Variants in MACROD2 observed in about 807,000 individuals in gnomAD.
The protein encoded by MACROD2 is ADP-ribose glycohydrolase MACROD2.
Under a neutral mutation model 70.4 loss-of-function variants are expected in MACROD2, and 36 were observed. The ratio of observed to expected loss-of-function variants is 0.51; its 90% confidence interval spans 0.39 to 0.68. The LOEUF is 0.68. Ranked by LOEUF, MACROD2 falls within the 30% of genes least tolerant of loss-of-function variation. The pLI is 0.00. For synonymous variants in MACROD2, 172 were observed against 178.8 expected (o/e 0.96, Z 0.30); for missense variants, 496 against 538.4 (o/e 0.92, Z 0.78).
At chr20:16,039,686 G>A (rs551348544) in intron 15 of MACROD2, among the ~76,000 whole-genome samples, 1 of 152,066 alleles carries the variant, frequency 6.6e-6, no homozygotes, top group South Asian at 2.1e-4. Flanking sequence ...TGTTCAAGGA[G>A]TATGTTGATG....
chr20:15,708,251 A>T (rs946870702), intron 8 of MACROD2, among the ~76,000 whole-genome samples: 3 of 152,174 alleles, frequency 2.0e-5, no homozygotes, highest in Non-Finnish European at 1.5e-5. Flanking sequence ...TGGGAGACAC[A>T]GACAATAAAT....
intron 5 of MACROD2, among the ~76,000 whole-genome samples, chr20:15,134,975 A>G (rs1249853463): frequency 1.3e-5 from 2 of 152,224 alleles, no homozygotes; most frequent in Non-Finnish European, 2.9e-5. Flanking sequence ...AGAAATGGAT[A>G]AATTCCTCGA....
At chr20:15,369,820 C>G (rs1301257808) in intron 6 of MACROD2, among the ~76,000 whole-genome samples, 1 of 152,006 alleles carries the variant, frequency 6.6e-6, no homozygotes, top group East Asian at 1.9e-4. Flanking sequence ...ACAAACAAAT[C>G]ATAAATGAGT....
rs373227803 is a variant in MACROD2 at position 14,396,924 on chromosome 20, C to CAAAAAA, written c.272-96544_272-96539dup. On this transcript the variant is annotated intron_variant, in intron 3 of 17. Transcript: ENST00000684519. ...TGGACGACAGAGCGAGACTCCATCT[C>CAAAAAA]AAAAAAAAAAAAAAAATCCAATCTG... Among the ~76,000 whole-genome samples the CAAAAAA allele has an allele frequency of 6.1e-4, 50 of 82,556 alleles. 3 individuals are homozygous for CAAAAAA. Among genetic ancestry groups the CAAAAAA allele is most frequent in the South Asian group, 1.1e-3 (2 of 1,806 alleles). 54.2% of individuals were successfully genotyped at this position (82,556 alleles called of 152,430 possible). A position where few individuals can be genotyped will look rare whatever the true frequency, so the allele number is the denominator to read the frequency against.
At chr20:15,029,324 T>C (rs2075256976) in intron 5 of MACROD2, among the ~76,000 whole-genome samples, 1 of 152,188 alleles carries the variant, frequency 6.6e-6, no homozygotes, top group South Asian at 2.1e-4. Context: ...CTGCAGTGTC[T>C]CAAAAAGTAG....
intron 8 of MACROD2, among the ~76,000 whole-genome samples, chr20:15,701,906 A>G (rs2050465788): frequency 6.6e-6 from 1 of 152,208 alleles, no homozygotes; most frequent in Admixed American, 6.5e-5. Flanking sequence ...ATAACTGAGA[A>G]CATGTGGTAT....
At chr20:16,025,385 T>C (rs1239096977) in intron 15 of MACROD2, among the ~76,000 whole-genome samples, 1 of 152,188 alleles carries the variant, frequency 6.6e-6, no homozygotes, top group Non-Finnish European at 1.5e-5. Context: ...GTTGTCAACA[T>C]TCTGAAAAAA....
chr20:15,482,340 A>G (rs768081987), intron 7 of MACROD2, among the ~76,000 whole-genome samples: 13 of 152,214 alleles, frequency 8.5e-5, no homozygotes, highest in Non-Finnish European at 1.6e-4. Context: ...AAAATGCCCG[A>G]CATCATATGT....
At chr20:15,338,881 T>G (rs2078077440) in intron 6 of MACROD2, among the ~76,000 whole-genome samples, 2 of 151,622 alleles carry the variant, frequency 1.3e-5, no homozygotes, top group Admixed American at 6.6e-5. Flanking sequence ...CAATGTTAAC[T>G]TTTCAGTTTA....
At chr20:15,960,286 C>T (rs1194441297) in intron 12 of MACROD2, among the ~76,000 whole-genome samples, 3 of 152,140 alleles carry the variant, frequency 2.0e-5, no homozygotes, top group South Asian at 2.1e-4. Flanking sequence ...GTGCAAAACA[C>T]GGTAACCCTT....
At chr20:14,578,191 G>T (rs1000340318) in intron 4 of MACROD2, among the ~76,000 whole-genome samples, 1 of 151,046 alleles carries the variant, frequency 6.6e-6, no homozygotes, top group African/African-American at 2.4e-5. Flanking sequence ...TATATCAATG[G>T]CAGGTTTTCT....
chr20:14,978,724 A>G (rs1290413333), intron 5 of MACROD2, among the ~76,000 whole-genome samples: 1 of 149,656 alleles, frequency 6.7e-6, no homozygotes, highest in Non-Finnish European at 1.5e-5. Flanking sequence ...ACAGTTTAAC[A>G]ATCTGGTTAA....
intron 3 of MACROD2, among the ~76,000 whole-genome samples, chr20:14,109,451 TC>T (rs1170008476): frequency 1.3e-5 from 2 of 151,406 alleles, no homozygotes; most frequent in South Asian, 2.1e-4. Context: ...ATACAAAAGA[TC>T]AATCAAATAA....
At chr20:14,982,075 G>A (rs2423898) in intron 5 of MACROD2, among the ~76,000 whole-genome samples, 3,376 of 152,240 alleles carry the variant, frequency 0.022, 69 homozygotes, top group Admixed American at 0.047. Context: ...GGAGGAACTT[G>A]TTGGGAACTG....
At chr20:14,968,385 A>T (rs2074657981) in intron 5 of MACROD2, among the ~76,000 whole-genome samples, 1 of 152,096 alleles carries the variant, frequency 6.6e-6, no homozygotes, top group South Asian at 2.1e-4. Context: ...CATGTGTTAG[A>T]CCAACATCCT....
Position 14,862,642 on chromosome 20 carries a change from AAT to A in MACROD2, c.418+177695_418+177696del, listed in dbSNP as rs544124119. ...ATATATATATATAAATATATATATAAATATATATATATAAATATATATATAAA... is the reference window on the plus strand; with the variant it reads ...ATATATATATATAAATATATATATAAATATATATATAAATATATATATAAA... On this transcript the variant is annotated intron_variant, in intron 5 of 17. Coordinates refer to ENST00000684519, the MANE Select transcript of MACROD2 (RefSeq NM_001351661.2). 7.4e-3 allele frequency among the ~76,000 whole-genome samples: 61 copies of A among 8,256 alleles called. 2 individuals are homozygous for A. The highest frequency in any genetic ancestry group is 0.018 in the African/African-American group (51 of 2,806). 5.4% of individuals were successfully genotyped at this position (8,256 alleles called of 152,430 possible).
At chr20:14,974,597 G>T (rs1207815652) in intron 5 of MACROD2, among the ~76,000 whole-genome samples, 1 of 152,036 alleles carries the variant, frequency 6.6e-6, no homozygotes, top group Non-Finnish European at 1.5e-5. Flanking sequence ...TAATTACCTG[G>T]CCTAGAAAGG....
At position 16,052,570 on chromosome 20, in the gene MACROD2, C is replaced by G. The variant is rs1362287786; in HGVS notation, c.*2694C>G. ...TAGGAGAGACAAAGGGGCTTTTCCT[C>G]TAGCTGGTAACTATTCAGATGATGG... On this transcript the variant is annotated 3_prime_UTR_variant, in exon 18 of 18. Coordinates refer to ENST00000684519, the MANE Select transcript of MACROD2 (RefSeq NM_001351661.2). The G allele has an allele frequency of 6.6e-6, 1 of 152,608 alleles. No individual in the cohort carries two copies. Among genetic ancestry groups the G allele is most frequent in the Non-Finnish European group, 1.5e-5 (1 of 68,036 alleles). 9.5% of individuals were successfully genotyped at this position (152,608 alleles called of 1,614,324 possible).
intron 8 of MACROD2, among the ~76,000 whole-genome samples, chr20:15,541,824 A>G (rs766417339): frequency 5.3e-5 from 8 of 152,206 alleles, no homozygotes; most frequent in Non-Finnish European, 1.2e-4. Flanking sequence ...CTTTGAAAAG[A>G]ATCTCAATAG....
Sources: allele counts gnomAD v4.1 joint callset (sites outside exome capture counted in the v4.1 genomes callset), GRCh38; gene constraint gnomAD v4.1.1; transcripts MANE v1.5; gene names NCBI Gene and HGNC (gene_info 2026-07-23, HGNC 2026-07-21).